The following ECI2 variants were observed in gnomAD, a reference collection of about 807,000 sequenced individuals.
ECI2 encodes the protein D3,D2-enoyl-CoA isomerase.
ECI2 carries 27 observed loss-of-function variants against 38.4 expected under a neutral mutation model. The observed-to-expected ratio is 0.70, with a 90% CI of 0.52 to 0.97. The LOEUF (loss-of-function observed/expected upper bound fraction) is 0.97. ECI2 is among the 50% of genes least tolerant of loss of function. ECI2 has a pLI of 0.00. For synonymous variants in ECI2, 168 were observed against 172.0 expected (o/e 0.98, Z 0.18); for missense variants, 470 against 474.4 (o/e 0.99, Z 0.09).
chr6:4,125,813 A>C, intron 6 of ECI2: 3 of 451,672 alleles, frequency 6.6e-6, no homozygotes, highest in South Asian at 6.2e-5. Flanking sequence ...GTTCATGGAA[A>C]TCTCCCATTC....
chr6:4,130,794 T>G lies in ECI2; in HGVS notation c.285A>C (p.Ala95=). 5 of 1,614,220 alleles carry G rather than the reference T, an allele frequency of 3.1e-6. No individual in the cohort carries two copies. The highest frequency in any genetic ancestry group is 1.6e-4 in the Middle Eastern group (1 of 6,062). ...TGGGCAGGCTGCCAAGGGCATTCCATGCGTCCCATTTGGCCTTGTTGATCA... is the reference window on the plus strand; with the variant it reads ...TGGGCAGGCTGCCAAGGGCATTCCAGGCGTCCCATTTGGCCTTGTTGATCA... ...FDLINKAKWD[A]WNALGSLPKE... The change falls in exon 3 of 10, where the codon GCA becomes GCC. Residue 95 remains alanine (A), a synonymous_variant. Coordinates refer to ENST00000380118, the MANE Select transcript of ECI2 (RefSeq NM_206836.3).
At chr6:4,134,809 C>T (rs1045267212) in intron 1 of ECI2, among the ~76,000 whole-genome samples, 2 of 152,290 alleles carry the variant, frequency 1.3e-5, no homozygotes, top group South Asian at 2.1e-4. Flanking sequence ...GTACAAGTTT[C>T]CACAAAATGT....
chr6:4,130,302 A>G, intron 4 of ECI2, 70 bp downstream of exon 4: 1 of 1,613,744 alleles, frequency 6.2e-7, no homozygotes, highest in Non-Finnish European at 8.5e-7. Flanking sequence ...CTGAAACTCT[A>G]CAGCTTTTGT....
intron 1 of ECI2, among the ~76,000 whole-genome samples, chr6:4,134,044 G>A (rs1334923751): frequency 6.6e-6 from 1 of 152,218 alleles, no homozygotes; most frequent in East Asian, 1.9e-4. Context: ...CAAGACAGTG[G>A]ACAGCAGGAA....
Position 4,125,003 on chromosome 6 carries a change from T to C in ECI2, c.795+247A>G, listed in dbSNP as rs929804578. 62 of 615,012 alleles carry C rather than the reference T, an allele frequency of 1.0e-4. No homozygotes were observed. The East Asian group carries it at 2.1e-3, about 20-fold the overall frequency. 38.1% of individuals were successfully genotyped at this position (615,012 alleles called of 1,614,324 possible). ...GAATAACATGAAAGCTGTATACCTA[T>C]TGTGGAATTTGATTAGAATCCGGAA... On this transcript the variant is annotated intron_variant, in intron 7 of 9. Coordinates refer to ENST00000380118, the MANE Select transcript of ECI2 (RefSeq NM_206836.3).
rs28510878 is a variant in ECI2, at chr6:4,135,571, G to T, written c.-11C>A. On this transcript the variant is annotated 5_prime_UTR_variant, in exon 1 of 10. Transcript: ENST00000380118. ...GTACGCCATCGCCATCCCTTGGGCG[G>T]CTCTAGGGCTGCGGGGGCTCGGGGG... 6,748 of 1,573,228 alleles carry T rather than the reference G, an allele frequency of 4.3e-3. 259 individuals carry two copies. The African/African-American group carries it at 0.084, about 20-fold the overall frequency.
chr6:4,131,177 A>T (rs1453717349), intron 2 of ECI2, among the ~76,000 whole-genome samples: 1 of 152,248 alleles, frequency 6.6e-6, no homozygotes, highest in African/African-American at 2.4e-5. Flanking sequence ...TTTTCCACAA[A>T]CAATCAAAAT....
chr6:4,118,994 T>G (rs1398722771), intron 8 of ECI2, 192 bp downstream of exon 8: 1 of 483,704 alleles, frequency 2.1e-6, no homozygotes, highest in Non-Finnish European at 3.6e-6. Context: ...AATTTCTAAT[T>G]TTCCTGCATA....
rs745547485 is a variant in ECI2, at chr6:4,126,257, C to A, written c.572-20G>T. The A allele has an allele frequency of 6.3e-7, 1 of 1,584,638 alleles. No individual in the cohort carries two copies. Among genetic ancestry groups the A allele is most frequent in the South Asian group, 1.1e-5 (1 of 89,004 alleles). ...CATTTCCTATAAGTAAGAAAATCAACAGATCCCTCATTCAATCATCCTATA... is the reference window on the plus strand; with the variant it reads ...CATTTCCTATAAGTAAGAAAATCAAAAGATCCCTCATTCAATCATCCTATA... On this transcript the variant is annotated intron_variant, in intron 5 of 9. Coordinates refer to ENST00000380118, the MANE Select transcript of ECI2 (RefSeq NM_206836.3).
chr6:4,131,584 T>C (rs1011852863), intron 2 of ECI2, among the ~76,000 whole-genome samples: 9 of 152,114 alleles, frequency 5.9e-5, no homozygotes, highest in Admixed American at 1.3e-4. Flanking sequence ...AAGCCAGGTG[T>C]GGTGGCTCAC....
rs9503924 is a variant in ECI2, at chr6:4,126,146, G to A, written c.663C>T (p.Ala221=). 3.2e-3 allele frequency: 5,227 copies of A among 1,613,478 alleles called. 145 individuals carry two copies. The African/African-American group carries it at 0.062, about 19-fold the overall frequency. The change falls in exon 6 of 10, where the codon GCC becomes GCT. Residue 221 remains alanine (A), a synonymous_variant. Transcript: ENST00000380118. ...TCAGTAACTCTTACCTCAGTAAAAC[G>A]GCATTATTTTTAGCTTTCTCCTCTA... The part of the protein sequence containing the change: ...GGVEEKAKNN[A]VLLREFVGCF...
Position 4,135,540 on chromosome 6 carries a change from A to T in ECI2, c.21T>A (p.Ala7=), listed in dbSNP as rs775770310. The part of the protein sequence containing the change: MAMAYL[A]WRLARRSCPS... ...GACACGAACGCCGCGCCAGTCTCCA[A>T]GCCAAGTACGCCATCGCCATCCCTT... is the stretch of plus-strand genomic sequence containing the variant. Residue 7 remains alanine, a synonymous_variant, in exon 1 of 10, where the codon GCT becomes GCA. Coordinates refer to ENST00000380118, the MANE Select transcript of ECI2 (RefSeq NM_206836.3). 1.3e-6 allele frequency: 2 copies of T among 1,515,858 alleles called. No homozygotes were observed. Among genetic ancestry groups the T allele is most frequent in the South Asian group, 2.2e-5 (2 of 89,792 alleles). 93.9% of individuals were successfully genotyped at this position (1,515,858 alleles called of 1,614,324 possible).
At chr6:4,121,519 G>A (rs1396535846) in intron 7 of ECI2, among the ~76,000 whole-genome samples, 3 of 151,658 alleles carry the variant, frequency 2.0e-5, no homozygotes, top group Non-Finnish European at 4.4e-5. Context: ...TGGATCTATC[G>A]CTTTATAGAC....
intron 2 of ECI2, 88 bp from the exon 3 acceptor site, chr6:4,130,953 G>T: frequency 1.6e-6 from 2 of 1,234,118 alleles, no homozygotes; most frequent in Non-Finnish European, 2.3e-6. Flanking sequence ...GTAAGTACAT[G>T]AATGCCTCCC....
intron 6 of ECI2, chr6:4,125,826 C>A: frequency 2.1e-6 from 1 of 472,570 alleles, no homozygotes; most frequent in Non-Finnish European, 3.9e-6. Context: ...TCCCATTCCT[C>A]TGGCTGGATG....
chr6:4,130,323 T>A (rs373104823), intron 4 of ECI2, 49 bp downstream of exon 4: 3 of 1,613,836 alleles, frequency 1.9e-6, no homozygotes, highest in African/African-American at 1.3e-5. Flanking sequence ...GTGAAACACA[T>A]AGAAGAAGAA....
At chr6:4,125,207 C>T (rs373210025) in intron 7 of ECI2, 43 bp downstream of exon 7, 101 of 1,607,172 alleles carry the variant, frequency 6.3e-5, no homozygotes, top group South Asian at 4.7e-4. Context: ...GCTCTCATCT[C>T]GCGCTGCTTG....
Position 4,122,352 on chromosome 6 carries a change from T to C in ECI2, c.795+2898A>G, listed in dbSNP as rs540390889. Among the ~76,000 whole-genome samples the C allele has an allele frequency of 5.3e-5, 8 of 151,862 alleles. No homozygotes were observed. The East Asian group carries it at 1.6e-3, about 29-fold the overall frequency. ...TCTCCTGCCTCAGCCTCCCGAGCAG[T>C]TGGGATTATAGGCGTGCACCACCAC... On this transcript the variant is annotated intron_variant, in intron 7 of 9. Transcript: ENST00000380118.
chr6:4,116,095 A>C, intron 9 of ECI2, 66 bp from the exon 10 acceptor site: 1 of 1,544,928 alleles, frequency 6.5e-7, no homozygotes. Flanking sequence ...TCATGCCTGT[A>C]ATCCCAGCAC....
Sources: gnomAD v4.1 joint callset for allele counts (sites outside exome capture counted in the v4.1 genomes callset) on GRCh38, gnomAD v4.1.1 for gene constraint, MANE v1.5 for transcripts, NCBI Gene and HGNC (gene_info 2026-07-23, HGNC 2026-07-21) for gene names.